The following NLGN1 variants were observed in gnomAD, a reference collection of about 807,000 sequenced individuals.
NLGN1 encodes the protein neuroligin 1.
A neutral mutation model predicts 65.5 loss-of-function variants in NLGN1; 12 were observed. The observed-to-expected ratio is 0.18, with a 90% CI of 0.12 to 0.30. NLGN1 has a LOEUF of 0.30. NLGN1 is among the 10% of genes least tolerant of loss of function. NLGN1 has a pLI of 1.00. For synonymous variants in NLGN1, 350 were observed against 359.5 expected (o/e 0.97, Z 0.30); for missense variants, 750 against 1,007.1 (o/e 0.74, Z 3.46).
Position 174,102,861 on chromosome 3 carries a change from G to A in NLGN1, c.647-172454G>A, listed in dbSNP as rs190815523. Among the ~76,000 whole-genome samples, 15 of 152,170 alleles carry A rather than the reference G, an allele frequency of 9.9e-5. No homozygotes were observed. In the East Asian group the frequency reaches 2.5e-3, roughly 25 times the overall value. On this transcript the variant is annotated intron_variant, in intron 4 of 6. Transcript: ENST00000457714. ...GGGGGAAGAATAAGCATGCCTATTTGCCTTCATTGCTACGTCTACACTAAT... is the reference window on the plus strand; with the variant it reads ...GGGGGAAGAATAAGCATGCCTATTTACCTTCATTGCTACGTCTACACTAAT...
chr3:173,830,214 AT>A (rs1722258579), intron 4 of NLGN1, among the ~76,000 whole-genome samples: 1 of 152,124 alleles, frequency 6.6e-6, no homozygotes, highest in Non-Finnish European at 1.5e-5. Context: ...TAGTATTCCC[AT>A]TCAACCCCCA....
At chr3:174,159,243 T>G (rs1035565469) in intron 4 of NLGN1, among the ~76,000 whole-genome samples, 3 of 151,394 alleles carry the variant, frequency 2.0e-5, no homozygotes, top group Non-Finnish European at 4.4e-5. Context: ...ATTTGTGAGG[T>G]TTTTTTTACT....
At chr3:173,786,290 G>T (rs900154693) in intron 3 of NLGN1, among the ~76,000 whole-genome samples, 1 of 152,076 alleles carries the variant, frequency 6.6e-6, no homozygotes, top group African/African-American at 2.4e-5. Flanking sequence ...AAATTGCCCT[G>T]AATATCCCTA....
At chr3:173,617,053 A>G (rs942435518) in intron 3 of NLGN1, among the ~76,000 whole-genome samples, 2 of 151,992 alleles carry the variant, frequency 1.3e-5, no homozygotes, top group African/African-American at 2.4e-5. Context: ...GTCAACCTCC[A>G]TCCTACCTCA....
intron 4 of NLGN1, among the ~76,000 whole-genome samples, chr3:173,857,647 G>A (rs1728260577): frequency 6.6e-6 from 1 of 151,992 alleles, no homozygotes; most frequent in Non-Finnish European, 1.5e-5. Context: ...CTAGAAGAAG[G>A]TGGCCTCTAA....
chr3:174,159,711 T>C (rs1726142102), intron 4 of NLGN1, among the ~76,000 whole-genome samples: 1 of 151,772 alleles, frequency 6.6e-6, no homozygotes, highest in African/African-American at 2.4e-5. Flanking sequence ...AGGCGGCTGG[T>C]TGGATTCCAC....
chr3:174,250,981 A>G (rs1744673893), intron 4 of NLGN1, among the ~76,000 whole-genome samples: 1 of 152,078 alleles, frequency 6.6e-6, no homozygotes, highest in African/African-American at 2.4e-5. Context: ...GTTTCCTCTG[A>G]TTGTCAAACG....
chr3:173,527,528 G>T lies in NLGN1; in HGVS notation c.-320-76751G>T, dbSNP rs931007896. Among the ~76,000 whole-genome samples the T allele has an allele frequency of 6.8e-4, 103 of 152,200 alleles. 1 individual carries two copies. The highest frequency in any genetic ancestry group is 2.4e-3 in the African/African-American group (98 of 41,536). Reference sequence around the variant, plus strand: ...TTCTCCTGCCTCAGCCTCCCAAGTAGCTGGGACTACAGGCGCCCGCCACCA... The same window carrying T: ...TTCTCCTGCCTCAGCCTCCCAAGTATCTGGGACTACAGGCGCCCGCCACCA... On this transcript the variant is annotated intron_variant, in intron 2 of 6. Transcript: ENST00000457714.
At position 174,017,834 on chromosome 3, in the gene NLGN1, C is replaced by T. The variant is rs142612949; in HGVS notation, c.646+210002C>T. On this transcript the variant is annotated intron_variant, in intron 4 of 6. Transcript: ENST00000457714. Reference sequence around the variant, plus strand: ...GCAGGGTGAGATCACAGTACTGGGGCGAAATTAAAATTGCTAATGAAGTTT... The same window carrying T: ...GCAGGGTGAGATCACAGTACTGGGGTGAAATTAAAATTGCTAATGAAGTTT... Among the ~76,000 whole-genome samples the T allele has an allele frequency of 1.2e-4, 19 of 152,060 alleles. 1 individual carries two copies. The highest frequency in any genetic ancestry group is 1.2e-3 in the East Asian group (6 of 5,152).
chr3:173,977,123 G>A (rs79613307), intron 4 of NLGN1, among the ~76,000 whole-genome samples: 19 of 146,496 alleles, frequency 1.3e-4, no homozygotes, highest in East Asian at 9.9e-4. Context: ...ACACACACAC[G>A]CACACACACA....
chr3:174,208,049 C>A (rs930262291), intron 4 of NLGN1, among the ~76,000 whole-genome samples: 1 of 152,178 alleles, frequency 6.6e-6, no homozygotes, highest in Non-Finnish European at 1.5e-5. Flanking sequence ...TTTATTTTAA[C>A]AGAGACTCCT....
chr3:174,085,834 A>G (rs951748295), intron 4 of NLGN1, among the ~76,000 whole-genome samples: 2 of 152,052 alleles, frequency 1.3e-5, no homozygotes, highest in African/African-American at 4.8e-5. Flanking sequence ...TATTCATTCT[A>G]TAACTTTTCA....
chr3:173,605,578 A>G, intron 3 of NLGN1: 1 of 1,285,624 alleles, frequency 7.8e-7, no homozygotes, highest in Non-Finnish European at 1.0e-6. Context: ...CGGCAAGAAA[A>G]TATGTAGAAA....
At chr3:173,698,020 A>G (rs1259427345) in intron 3 of NLGN1, among the ~76,000 whole-genome samples, 1 of 109,594 alleles carries the variant, frequency 9.1e-6, no homozygotes, top group African/African-American at 3.6e-5. Flanking sequence ...CATAAGGACA[A>G]AGCTTAAAAA....
intron 4 of NLGN1, among the ~76,000 whole-genome samples, chr3:174,004,530 T>C (rs1428996467): frequency 6.6e-6 from 1 of 152,184 alleles, no homozygotes; most frequent in Admixed American, 6.5e-5. Flanking sequence ...TGTGCTCTGC[T>C]AAAACAAAAA....
intron 3 of NLGN1, among the ~76,000 whole-genome samples, chr3:173,785,646 A>G (rs1781832816): frequency 1.3e-5 from 2 of 152,008 alleles, no homozygotes; most frequent in South Asian, 4.1e-4. Flanking sequence ...AATGGCATAC[A>G]GAGGTATATA....
intron 3 of NLGN1, among the ~76,000 whole-genome samples, chr3:173,695,735 A>T (rs911804659): frequency 6.6e-6 from 1 of 152,204 alleles, no homozygotes; most frequent in Admixed American, 6.5e-5. Context: ...TATTACGATC[A>T]CTTCTTGAAA....
intron 2 of NLGN1, among the ~76,000 whole-genome samples, chr3:173,603,537 T>C (rs1750899635): frequency 6.6e-6 from 1 of 152,148 alleles, no homozygotes; most frequent in African/African-American, 2.4e-5. Context: ...TTTATTGATA[T>C]CTATAATATA....
intron 4 of NLGN1, among the ~76,000 whole-genome samples, chr3:173,918,615 A>G (rs1741224586): frequency 1.4e-5 from 2 of 139,134 alleles, no homozygotes; most frequent in South Asian, 4.7e-4. Flanking sequence ...CCTGGGTGAC[A>G]GTGAGACTCC....
Sources: gnomAD v4.1 joint callset for allele counts (sites outside exome capture counted in the v4.1 genomes callset) on GRCh38, gnomAD v4.1.1 for gene constraint, MANE v1.5 for transcripts, NCBI Gene and HGNC (gene_info 2026-07-23, HGNC 2026-07-21) for gene names.